The following NFATC1 variants were observed in gnomAD, a reference collection of about 807,000 sequenced individuals.
The protein encoded by NFATC1 is nuclear factor of activated T-cells, cytoplasmic 1.
A neutral mutation model predicts 76.0 loss-of-function variants in NFATC1; 22 were observed. The ratio of observed to expected loss-of-function variants is 0.29; its 90% CI spans 0.21 to 0.41. The LOEUF is 0.41. NFATC1 is among the 10% of genes least tolerant of loss of function. NFATC1 has a pLI of 1.00. For synonymous variants in NFATC1, 704 were observed against 613.1 expected, an observed-to-expected ratio of 1.15 and a Z score of -2.19; for missense variants, 1,357 against 1,337.7, an observed-to-expected ratio of 1.01 and a Z score of -0.23.
At chr18:79,464,342 A>T (rs1248987405) in intron 7 of NFATC1, among the ~76,000 whole-genome samples, 3 of 148,506 alleles carry the variant, frequency 2.0e-5, no homozygotes, top group Non-Finnish European at 4.5e-5. Flanking sequence ...TGATCCGCCC[A>T]CCGTGGCCTC....
At chr18:79,448,588 C>T (rs926882216) in intron 3 of NFATC1, 194 bp from the exon 4 acceptor site, 8 of 614,198 alleles carry the variant, frequency 1.3e-5, no homozygotes, top group African/African-American at 5.5e-5. Context: ...ACTCAGTGCC[C>T]AGGTCCATTG....
intron 7 of NFATC1, among the ~76,000 whole-genome samples, chr18:79,466,556 A>G (rs1008442326): frequency 1.3e-5 from 2 of 152,118 alleles, no homozygotes; most frequent in African/African-American, 4.8e-5. Flanking sequence ...CTTGTGTTTC[A>G]TGTGTATACT....
intron 9 of NFATC1, among the ~76,000 whole-genome samples, chr18:79,523,251 G>C (rs2090662384): frequency 6.6e-6 from 1 of 152,192 alleles, no homozygotes; most frequent in Admixed American, 6.5e-5. Flanking sequence ...GAAAAATGTT[G>C]CTTCCAAGCC....
intron 3 of NFATC1, 147 bp downstream of exon 3, chr18:79,433,885 C>T (rs1161759790): frequency 7.7e-6 from 7 of 905,838 alleles, no homozygotes; most frequent in Non-Finnish European, 9.5e-6. Flanking sequence ...TGCTCACCGC[C>T]TCTGAGCTGG....
At chr18:79,494,894 A>G (rs1344370818) in intron 9 of NFATC1, among the ~76,000 whole-genome samples, 3 of 137,874 alleles carry the variant, frequency 2.2e-5, no homozygotes, top group Admixed American at 7.2e-5. Context: ...CCCCCCATGA[A>G]CCTGGTACCG....
intron 3 of NFATC1, among the ~76,000 whole-genome samples, chr18:79,437,086 G>A (rs985380364): frequency 2.6e-5 from 4 of 152,206 alleles, no homozygotes; most frequent in Non-Finnish European, 4.4e-5. Context: ...GGGGGTCTGG[G>A]TGGTTCAGGA....
intron 8 of NFATC1, among the ~76,000 whole-genome samples, chr18:79,476,936 C>T (rs1034744382): frequency 6.6e-6 from 1 of 152,216 alleles, no homozygotes; most frequent in African/African-American, 2.4e-5. Flanking sequence ...AGTGAAGAGT[C>T]GGTGAGAGAG....
At chr18:79,438,736 C>T (rs191560825) in intron 3 of NFATC1, among the ~76,000 whole-genome samples, 7 of 152,200 alleles carry the variant, frequency 4.6e-5, no homozygotes, top group East Asian at 3.9e-4. Flanking sequence ...GCGGGTCAGG[C>T]GAAGACTCAG....
At chr18:79,406,116 G>A (rs1390434120) in intron 1 of NFATC1, among the ~76,000 whole-genome samples, 1 of 152,098 alleles carries the variant, frequency 6.6e-6, no homozygotes, top group African/African-American at 2.4e-5. Flanking sequence ...GTTCAGGGCT[G>A]AGTCCTGTGG....
chr18:79,513,630 AAGGCG>A (rs1178441015), intron 9 of NFATC1, among the ~76,000 whole-genome samples: 1 of 152,240 alleles, frequency 6.6e-6, no homozygotes, highest in Non-Finnish European at 1.5e-5. Flanking sequence ...AGTACTCTTC[AAGGCG>A]AGTGTCCCTG....
intron 9 of NFATC1, chr18:79,527,304 C>T (rs1002183370): frequency 1.9e-5 from 10 of 525,802 alleles, no homozygotes; most frequent in Admixed American, 3.2e-5. Context: ...TACCGTGCTA[C>T]GGACGAGGGC....
intron 8 of NFATC1, among the ~76,000 whole-genome samples, chr18:79,480,590 G>A (rs1206918306): frequency 6.6e-6 from 1 of 152,132 alleles, no homozygotes; most frequent in African/African-American, 2.4e-5. Context: ...GGAGAGATGC[G>A]GGGGTTAATG....
intron 4 of NFATC1, among the ~76,000 whole-genome samples, chr18:79,449,995 G>A (rs536771973): frequency 1.3e-5 from 2 of 152,196 alleles, no homozygotes; most frequent in Admixed American, 6.5e-5. Context: ...AGTTTGCCTC[G>A]AGAGCTGTAA....
intron 9 of NFATC1, among the ~76,000 whole-genome samples, chr18:79,525,061 T>G (rs369675014): frequency 6.9e-4 from 60 of 86,680 alleles, no homozygotes; most frequent in Middle Eastern, 6.7e-3. Context: ...TACCCCTCAG[T>G]CCTCCCCACG....
chr18:79,396,497 G>A, intron 1 of NFATC1, 146 bp downstream of exon 1: 2 of 394,208 alleles, frequency 5.1e-6, no homozygotes, highest in Non-Finnish European at 3.8e-6. Context: ...GGAGGGGCGC[G>A]GCGCGGACCG....
chr18:79,431,262 G>C (rs913042018), intron 2 of NFATC1, among the ~76,000 whole-genome samples: 1 of 152,236 alleles, frequency 6.6e-6, no homozygotes, highest in Non-Finnish European at 1.5e-5. Flanking sequence ...GAACATTTTA[G>C]GTGTTTGTAT....
intron 9 of NFATC1, among the ~76,000 whole-genome samples, chr18:79,506,365 C>G (rs1343761390): frequency 6.6e-6 from 1 of 152,158 alleles, no homozygotes; most frequent in Non-Finnish European, 1.5e-5. Context: ...CTTGTCCCCC[C>G]ATCTTCCCAC....
intron 8 of NFATC1, among the ~76,000 whole-genome samples, chr18:79,477,872 T>C (rs2089137387): frequency 1.3e-5 from 2 of 152,150 alleles, no homozygotes; most frequent in Non-Finnish European, 2.9e-5. Flanking sequence ...TGTCTCTCCC[T>C]CCCTGTGGGA....
rs74947213 is a variant in NFATC1 at position 79,488,056 on chromosome 18, C to T, written c.2782+1119C>T. ...GAGCCTCGGCCTTCTGGGGAGGGGG[C>T]GGCATTAGCCCCTCCTGACCCAGGG... On this transcript the variant is annotated intron_variant, in intron 9 of 9. Coordinates refer to ENST00000427363, the MANE Select transcript of NFATC1 (RefSeq NM_001278669.2). Among the ~76,000 whole-genome samples, 135 of 150,584 alleles carry T rather than the reference C, an allele frequency of 9.0e-4. 3 individuals are homozygous for T. The East Asian group carries it at 0.017, about 19-fold the overall frequency.
Sources: gnomAD v4.1 joint callset for allele counts (sites outside exome capture counted in the v4.1 genomes callset) on GRCh38, gnomAD v4.1.1 for gene constraint, MANE v1.5 for transcripts, NCBI Gene and HGNC (gene_info 2026-07-23, HGNC 2026-07-21) for gene names.